PCDHA5: variants seen among roughly 807,000 people sequenced by gnomAD.
PCDHA5 encodes protocadherin alpha-5.
A neutral mutation model predicts 61.6 loss-of-function variants in PCDHA5; 43 were observed. The observed-to-expected ratio is 0.70, with a 90% CI of 0.55 to 0.90. The LOEUF (loss-of-function observed/expected upper bound fraction) is 0.90, where lower values mean the gene tolerates loss of function less well. Ranked by LOEUF, PCDHA5 falls within the 40% of genes least tolerant of loss-of-function variation. PCDHA5 has a pLI of 0.00. For synonymous variants in PCDHA5, 627 were observed against 543.9 expected (o/e 1.15, Z -2.13); for missense variants, 1,298 against 1,222.7 (o/e 1.06, Z -0.92).
chr5:140,869,430 C>T (rs73793507), intron 1 of PCDHA5: 3 of 1,614,154 alleles, frequency 1.9e-6, no homozygotes, highest in South Asian at 2.2e-5. Context: ...TGGAGGTGAT[C>T]GTGGACAGGC....
chr5:141,003,574 A>C (rs559561339), intron 3 of PCDHA5, among the ~76,000 whole-genome samples: 9 of 151,680 alleles, frequency 5.9e-5, no homozygotes, highest in African/African-American at 2.2e-4. Context: ...CAGACTCCCA[A>C]AGTGCTGGGA....
Position 140,884,512 on chromosome 5 carries a change from G to A in PCDHA5, c.2352+60385G>A, listed in dbSNP as rs782026771. 4.3e-5 allele frequency: 70 copies of A among 1,614,202 alleles called. No individual in the cohort carries two copies. The Middle Eastern group carries it at 4.9e-4, about 11-fold the overall frequency. ...TGTGCTCCAGCGCGGCAGGGAGTTG[G>A]TCGTACTCGCAGCAGAGGCGGCCGA... is the stretch of plus-strand genomic sequence containing the variant. On this transcript the variant is annotated intron_variant, in intron 1 of 3. Transcript: ENST00000529859.
chr5:140,868,940 A>G, intron 1 of PCDHA5: 1 of 1,249,402 alleles, frequency 8.0e-7, no homozygotes, highest in South Asian at 1.6e-5. Context: ...GGTTGGTCTG[A>G]ACAGTGAGGC....
At chr5:140,983,062 G>A (rs575564004) in intron 3 of PCDHA5, among the ~76,000 whole-genome samples, 2 of 152,168 alleles carry the variant, frequency 1.3e-5, no homozygotes, top group South Asian at 4.2e-4. Context: ...TCGGAACCAA[G>A]GCATTGTTTT....
chr5:140,852,043 A>G, intron 1 of PCDHA5: 1 of 921,642 alleles, frequency 1.1e-6, no homozygotes, highest in Non-Finnish European at 1.3e-6. Flanking sequence ...AGTTTTTGTT[A>G]TGTGGTTTAT....
chr5:140,956,562 T>C (rs1395246956), intron 1 of PCDHA5, among the ~76,000 whole-genome samples: 1 of 152,212 alleles, frequency 6.6e-6, no homozygotes, highest in Non-Finnish European at 1.5e-5. Flanking sequence ...CAGTATCTTA[T>C]TGAGGATTTT....
intron 1 of PCDHA5, among the ~76,000 whole-genome samples, chr5:140,889,996 A>G (rs1162958741): frequency 5.3e-5 from 8 of 152,152 alleles, no homozygotes; most frequent in African/African-American, 1.9e-4. Flanking sequence ...TAGCTTTCCA[A>G]GCTTAGGTGC....
chr5:140,843,622 G>T, intron 1 of PCDHA5: 2 of 1,596,026 alleles, frequency 1.3e-6, no homozygotes, highest in Non-Finnish European at 1.7e-6. Flanking sequence ...CACCGAAGAC[G>T]GACCTCATGG....
chr5:140,959,763 C>A (rs2095510059), intron 1 of PCDHA5, among the ~76,000 whole-genome samples: 2 of 152,170 alleles, frequency 1.3e-5, no homozygotes, highest in South Asian at 4.1e-4. Flanking sequence ...TTTTAATATT[C>A]AGTAAGAACA....
At chr5:140,929,319 T>C in intron 1 of PCDHA5, 1 of 1,545,486 alleles carries the variant, frequency 6.5e-7, no homozygotes, top group Non-Finnish European at 8.7e-7. Flanking sequence ...CTAATGTCAA[T>C]GCCATGGTAA....
At chr5:140,913,021 A>G (rs548086979) in intron 1 of PCDHA5, among the ~76,000 whole-genome samples, 1 of 152,154 alleles carries the variant, frequency 6.6e-6, no homozygotes, top group South Asian at 2.1e-4. Context: ...TTTTGCATCA[A>G]TATTCATCAG....
At chr5:140,828,983 A>T in intron 1 of PCDHA5, 1 of 1,614,204 alleles carries the variant, frequency 6.2e-7, no homozygotes, top group Non-Finnish European at 8.5e-7. Context: ...CATAGATCGA[A>T]ATACGGGAGA....
intron 2 of PCDHA5, among the ~76,000 whole-genome samples, chr5:140,980,141 T>C (rs1241352797): frequency 1.3e-5 from 2 of 152,164 alleles, no homozygotes; most frequent in Non-Finnish European, 2.9e-5. Context: ...CCAGAAACAT[T>C]CATGCATATA....
Position 140,967,862 on chromosome 5 carries a change from G to T in PCDHA5, c.2353-11087G>T, listed in dbSNP as rs781878230. On this transcript the variant is annotated intron_variant, in intron 1 of 3. Transcript: ENST00000529859. ...CGTGAATGACAATGCCCCAGAGGTG[G>T]TGCTCACGGACCTGTATAGCCCAGT... The T allele has an allele frequency of 8.1e-6, 13 of 1,614,170 alleles. No individual in the cohort carries two copies. The East Asian group carries it at 2.5e-4, about 30-fold the overall frequency.
intron 1 of PCDHA5, among the ~76,000 whole-genome samples, chr5:140,921,566 T>C (rs775027482): frequency 4.6e-5 from 7 of 152,304 alleles, no homozygotes; most frequent in Middle Eastern, 3.4e-3. Flanking sequence ...TATTATGTTA[T>C]AGTAGAGCTC....
At chr5:140,856,696 A>C (rs2044153599) in intron 1 of PCDHA5, 1 of 1,596,642 alleles carries the variant, frequency 6.3e-7, no homozygotes, top group Non-Finnish European at 8.6e-7. Flanking sequence ...CAACTGATGG[A>C]GGCAAACCTG....
chr5:140,877,389 G>T, intron 1 of PCDHA5: 1 of 1,613,994 alleles, frequency 6.2e-7, no homozygotes, highest in Non-Finnish European at 8.5e-7. Context: ...TCCTGGATGA[G>T]GCGGACGCTC....
chr5:140,909,585 T>C (rs1554193854), intron 1 of PCDHA5, among the ~76,000 whole-genome samples: 1 of 152,180 alleles, frequency 6.6e-6, no homozygotes, highest in Non-Finnish European at 1.5e-5. Context: ...GATATGTTTT[T>C]TGATTTACTA....
At chr5:140,843,497 C>G (rs1229435401) in intron 1 of PCDHA5, 5 of 1,596,022 alleles carry the variant, frequency 3.1e-6, no homozygotes, top group Non-Finnish European at 4.3e-6. Context: ...GTGCTCAGCA[C>G]TGCCCACTGA....
Sources: allele counts gnomAD v4.1 joint callset (sites outside exome capture counted in the v4.1 genomes callset), GRCh38; gene constraint gnomAD v4.1.1; transcripts MANE v1.5; gene names NCBI Gene and HGNC (gene_info 2026-07-23, HGNC 2026-07-21).